Variants in ANKS1B observed in about 807,000 individuals in gnomAD.
ANKS1B encodes the protein ankyrin repeat and sterile alpha motif domain containing 1B, also known as ankyrin repeat and sterile alpha motif domain-containing protein 1B.
Under a neutral mutation model 148.3 loss-of-function variants are expected in ANKS1B, and 36 were observed. The ratio of observed to expected loss-of-function variants is 0.24; its 90% CI spans 0.19 to 0.32. The LOEUF is 0.32. Ranked by LOEUF, ANKS1B falls within the 10% of genes least tolerant of loss-of-function variation. The probability of loss-of-function intolerance (pLI) is 1.00; values close to 1 mark genes in which losing one functional copy is unlikely to be tolerated. For synonymous variants in ANKS1B, 542 were observed against 560.8 expected, an observed-to-expected ratio of 0.97 and a Z score of 0.47; for missense variants, 1,157 against 1,542.6, an observed-to-expected ratio of 0.75 and a Z score of 4.19.
intron 8 of ANKS1B, among the ~76,000 whole-genome samples, chr12:99,746,311 T>G (rs1427083182): frequency 6.6e-6 from 1 of 152,158 alleles, no homozygotes; most frequent in African/African-American, 2.4e-5. Context: ...CTAGTCCCTA[T>G]CCAAGTGTTT....
chr12:99,463,743 C>A (rs997400305), intron 10 of ANKS1B, among the ~76,000 whole-genome samples: 1 of 152,188 alleles, frequency 6.6e-6, no homozygotes, highest in Non-Finnish European at 1.5e-5. Context: ...TGGGGAGGGG[C>A]GCCCGCCATT....
At chr12:99,458,207 T>A (rs2095877805) in intron 10 of ANKS1B, among the ~76,000 whole-genome samples, 1 of 151,564 alleles carries the variant, frequency 6.6e-6, no homozygotes. Flanking sequence ...AATATGAAAA[T>A]TAAAAAATTT....
At chr12:98,867,056 A>C (rs2099628379) in intron 17 of ANKS1B, among the ~76,000 whole-genome samples, 1 of 152,228 alleles carries the variant, frequency 6.6e-6, no homozygotes, top group Admixed American at 6.5e-5. Flanking sequence ...TAGATGCATA[A>C]ATAGGGAAAA....
intron 7 of ANKS1B, among the ~76,000 whole-genome samples, chr12:99,774,875 T>A (rs1423910913): frequency 6.6e-6 from 1 of 152,064 alleles, no homozygotes; most frequent in African/African-American, 2.4e-5. Flanking sequence ...CTAGAGGATA[T>A]TATCCTAAGT....
chr12:98,827,164 T>G (rs2099255797), intron 19 of ANKS1B, among the ~76,000 whole-genome samples: 2 of 152,208 alleles, frequency 1.3e-5, no homozygotes, highest in African/African-American at 4.8e-5. Context: ...AAAACTGCAA[T>G]TAACACCACC....
intron 9 of ANKS1B, among the ~76,000 whole-genome samples, chr12:99,574,257 G>C (rs1004335638): frequency 3.3e-5 from 5 of 152,004 alleles, no homozygotes; most frequent in African/African-American, 1.2e-4. Flanking sequence ...TTGTTCCCGA[G>C]AGCACTTCCC....
At chr12:99,363,999 G>T (rs2092629397) in intron 12 of ANKS1B, among the ~76,000 whole-genome samples, 1 of 152,062 alleles carries the variant, frequency 6.6e-6, no homozygotes, top group Non-Finnish European at 1.5e-5. Flanking sequence ...TCACCAAGGG[G>T]AGGGCTCTGA....
chr12:99,025,009 G>A (rs2099947941), intron 17 of ANKS1B, among the ~76,000 whole-genome samples: 1 of 152,088 alleles, frequency 6.6e-6, no homozygotes, highest in African/African-American at 2.4e-5. Context: ...TCTTACTTCT[G>A]TCTTCTGCCA....
chr12:99,445,821 A>G (rs764673299), intron 10 of ANKS1B, among the ~76,000 whole-genome samples: 4 of 152,000 alleles, frequency 2.6e-5, no homozygotes, highest in Admixed American at 6.6e-5. Flanking sequence ...TCCCAGGCTC[A>G]AGTGATCCTC....
At chr12:99,863,931 T>C (rs1329370152) in intron 1 of ANKS1B, among the ~76,000 whole-genome samples, 1 of 151,598 alleles carries the variant, frequency 6.6e-6, no homozygotes, top group Non-Finnish European at 1.5e-5. Flanking sequence ...TAGCTGGGCG[T>C]GGTGGCACAT....
chr12:99,511,749 A>T (rs1233822067), intron 9 of ANKS1B, among the ~76,000 whole-genome samples: 1 of 152,046 alleles, frequency 6.6e-6, no homozygotes, highest in Non-Finnish European at 1.5e-5. Flanking sequence ...AGAACTCAGA[A>T]ATAATATCAC....
chr12:99,390,759 T>A (rs975606768), intron 12 of ANKS1B, among the ~76,000 whole-genome samples: 3 of 152,298 alleles, frequency 2.0e-5, no homozygotes, highest in Non-Finnish European at 4.4e-5. Flanking sequence ...AAATTACGAA[T>A]GAGACCCAGA....
chr12:99,803,685 C>T (rs935165015), intron 4 of ANKS1B, among the ~76,000 whole-genome samples: 76 of 152,286 alleles, frequency 5.0e-4, no homozygotes, highest in African/African-American at 1.8e-3. Context: ...AAAGCATTTA[C>T]CCCATCTAAA....
intron 17 of ANKS1B, among the ~76,000 whole-genome samples, chr12:98,943,017 CA>C (rs1448799227): frequency 6.6e-6 from 1 of 152,090 alleles, no homozygotes; most frequent in African/African-American, 2.4e-5. Flanking sequence ...TATACTCAGG[CA>C]AAAAGAGATA....
chr12:99,569,526 T>C (rs958339048), intron 9 of ANKS1B, among the ~76,000 whole-genome samples: 3 of 152,200 alleles, frequency 2.0e-5, no homozygotes, highest in African/African-American at 7.2e-5. Context: ...AAAACTAAAA[T>C]GTAGGAACAG....
chr12:99,006,906 C>T (rs1023820882), intron 17 of ANKS1B, among the ~76,000 whole-genome samples: 5 of 152,156 alleles, frequency 3.3e-5, no homozygotes, highest in Non-Finnish European at 7.4e-5. Flanking sequence ...AAACGACTCA[C>T]CTTTAACTGT....
intron 1 of ANKS1B, among the ~76,000 whole-genome samples, chr12:99,966,208 G>C (rs115784666): frequency 0.016 from 2,461 of 152,212 alleles, 71 homozygotes; most frequent in African/African-American, 0.054. Context: ...ATGTGACAAA[G>C]TTAATTTTCT....
intron 10 of ANKS1B, among the ~76,000 whole-genome samples, chr12:99,484,586 G>A (rs2096460998): frequency 6.6e-6 from 1 of 151,786 alleles, no homozygotes; most frequent in Non-Finnish European, 1.5e-5. Flanking sequence ...GGTGTCAGTG[G>A]TAAATTAAAA....
intron 25 of ANKS1B, among the ~76,000 whole-genome samples, chr12:98,757,326 G>A (rs1477342729): frequency 3.3e-5 from 5 of 152,238 alleles, no homozygotes. Flanking sequence ...TTGTTGAGCA[G>A]GACTGCCACG....
Sources: gnomAD v4.1 joint callset for allele counts (sites outside exome capture counted in the v4.1 genomes callset) on GRCh38, gnomAD v4.1.1 for gene constraint, MANE v1.5 for transcripts, NCBI Gene and HGNC (gene_info 2026-07-23, HGNC 2026-07-21) for gene names.